OTUD7A: variants seen among roughly 807,000 people sequenced by gnomAD.
OTUD7A encodes the protein OTU domain-containing protein 7A.
A neutral mutation model predicts 65.7 loss-of-function variants in OTUD7A; 12 were observed. The observed-to-expected ratio is 0.18, with a 90% CI of 0.12 to 0.30. The LOEUF (loss-of-function observed/expected upper bound fraction) is 0.30, where lower values mean the gene tolerates loss of function less well. Ranked by LOEUF, OTUD7A falls within the 10% of genes least tolerant of loss-of-function variation. The probability of loss-of-function intolerance (pLI) is 1.00; values close to 1 mark genes in which losing one functional copy is unlikely to be tolerated. For synonymous variants in OTUD7A, 641 were observed against 586.3 expected (o/e 1.09, Z -1.35); for missense variants, 1,148 against 1,304.8 (o/e 0.88, Z 1.85).
intron 1 of OTUD7A, among the ~76,000 whole-genome samples, chr15:31,824,999 G>A (rs1896764788): frequency 6.6e-6 from 1 of 152,090 alleles, no homozygotes; most frequent in Non-Finnish European, 1.5e-5. Flanking sequence ...ATCACTGAGG[G>A]CCCCATTGTT....
At chr15:31,839,991 T>A (rs1439115343) in intron 1 of OTUD7A, among the ~76,000 whole-genome samples, 2 of 152,192 alleles carry the variant, frequency 1.3e-5, no homozygotes, top group African/African-American at 2.4e-5. Context: ...GCTAGCTCTT[T>A]AACTTGACCA....
At chr15:31,612,842 G>A (rs1197564871) in intron 3 of OTUD7A, among the ~76,000 whole-genome samples, 2 of 152,134 alleles carry the variant, frequency 1.3e-5, no homozygotes, top group Non-Finnish European at 2.9e-5. Flanking sequence ...GCCAAAGTAA[G>A]ACTAAGCAAA....
At chr15:31,778,184 C>A (rs775860629) in intron 1 of OTUD7A, among the ~76,000 whole-genome samples, 1 of 152,130 alleles carries the variant, frequency 6.6e-6, no homozygotes, top group Non-Finnish European at 1.5e-5. Flanking sequence ...AAGTACCATA[C>A]CCAAGGAACT....
intron 3 of OTUD7A, among the ~76,000 whole-genome samples, chr15:31,590,286 T>A (rs1889680653): frequency 6.6e-6 from 1 of 152,256 alleles, no homozygotes; most frequent in South Asian, 2.1e-4. Context: ...TGCCATCTAC[T>A]TCATGGAAGT....
At chr15:31,869,034 T>G (rs528211368) in intron 1 of OTUD7A, among the ~76,000 whole-genome samples, 13 of 152,338 alleles carry the variant, frequency 8.5e-5, no homozygotes, top group African/African-American at 3.1e-4. Context: ...ATGTCAATAC[T>G]TTTGTCCCTT....
At chr15:31,720,065 C>T (rs1249256130) in intron 1 of OTUD7A, among the ~76,000 whole-genome samples, 4 of 152,106 alleles carry the variant, frequency 2.6e-5, no homozygotes, top group Non-Finnish European at 5.9e-5. Context: ...TTAAGAAATT[C>T]AGCTGCTCTC....
intron 1 of OTUD7A, among the ~76,000 whole-genome samples, chr15:31,791,328 C>T (rs771184737): frequency 2.0e-5 from 3 of 152,150 alleles, no homozygotes; most frequent in African/African-American, 4.8e-5. Context: ...CCCAGCCCTA[C>T]TAATAGTCAT....
intron 3 of OTUD7A, among the ~76,000 whole-genome samples, chr15:31,618,786 C>T (rs1388740475): frequency 6.6e-6 from 1 of 152,140 alleles, no homozygotes; most frequent in East Asian, 1.9e-4. Flanking sequence ...TTAATTAGAT[C>T]CCATTTGTCA....
At chr15:31,507,742 T>A (rs2041602586) in intron 8 of OTUD7A, among the ~76,000 whole-genome samples, 1 of 152,182 alleles carries the variant, frequency 6.6e-6, no homozygotes, top group Admixed American at 6.5e-5. Context: ...TGGCTACTTT[T>A]AGGATTCTGC....
chr15:31,495,431 C>T (rs1389754795), intron 10 of OTUD7A, among the ~76,000 whole-genome samples: 1 of 152,234 alleles, frequency 6.6e-6, no homozygotes, highest in African/African-American at 2.4e-5. Flanking sequence ...GCTTTGTGAT[C>T]TGTAGGTCAA....
intron 1 of OTUD7A, among the ~76,000 whole-genome samples, chr15:31,674,967 T>C (rs962211397): frequency 1.3e-5 from 2 of 152,176 alleles, no homozygotes; most frequent in African/African-American, 2.4e-5. Context: ...GGACTTCTTA[T>C]TATACTTCTC....
Position 31,766,052 on chromosome 15 carries a change from A to C in OTUD7A, c.-100+104455T>G, listed in dbSNP as rs1446338224. 3.9e-6 allele frequency: 6 copies of C among 1,539,334 alleles called. No homozygotes were observed. In the Admixed American group the frequency reaches 1.0e-4, roughly 26 times the overall value. ...AAGTTGGCAAAGGAGCAAATAGTCC[A>C]TCTCCAGGACTTTCAATATGTCCCC... On this transcript the variant is annotated intron_variant, in intron 1 of 12. Transcript: ENST00000307050.
intron 3 of OTUD7A, among the ~76,000 whole-genome samples, chr15:31,622,414 A>G (rs954127598): frequency 6.6e-6 from 1 of 152,060 alleles, no homozygotes; most frequent in Non-Finnish European, 1.5e-5. Flanking sequence ...TCAGACGTGG[A>G]TTTGGTCTTT....
intron 5 of OTUD7A, among the ~76,000 whole-genome samples, chr15:31,553,538 T>C (rs1452252975): frequency 1.3e-5 from 2 of 152,112 alleles, no homozygotes; most frequent in African/African-American, 4.8e-5. Context: ...CAAGTCTCAC[T>C]ACAGTCTCGG....
chr15:31,836,932 A>G (rs1194256424), intron 1 of OTUD7A, among the ~76,000 whole-genome samples: 1 of 152,214 alleles, frequency 6.6e-6, no homozygotes, highest in East Asian at 1.9e-4. Flanking sequence ...CAGAAAACAG[A>G]AAAGAATGTC....
chr15:31,846,697 C>T (rs577371986), intron 1 of OTUD7A, among the ~76,000 whole-genome samples: 2 of 152,116 alleles, frequency 1.3e-5, no homozygotes, highest in Non-Finnish European at 2.9e-5. Context: ...ACTGAAACCT[C>T]GGTTTAAGAA....
chr15:31,637,230 C>A (rs71474676), intron 3 of OTUD7A, among the ~76,000 whole-genome samples: 3 of 151,752 alleles, frequency 2.0e-5, no homozygotes, highest in Non-Finnish European at 4.4e-5. Flanking sequence ...AAGTTGAAAC[C>A]AATGCTCATT....
At chr15:31,638,022 C>G (rs1376809503) in intron 3 of OTUD7A, among the ~76,000 whole-genome samples, 6 of 152,238 alleles carry the variant, frequency 3.9e-5, no homozygotes, top group African/African-American at 1.2e-4. Context: ...AGAGGACTGA[C>G]TTCAATTTTG....
At chr15:31,513,955 C>A (rs1353172042) in intron 8 of OTUD7A, among the ~76,000 whole-genome samples, 2 of 152,030 alleles carry the variant, frequency 1.3e-5, no homozygotes, top group African/African-American at 4.8e-5. Context: ...TGTGGATGCT[C>A]AGATACTCCT....
Sources: allele counts gnomAD v4.1 joint callset (sites outside exome capture counted in the v4.1 genomes callset), GRCh38; gene constraint gnomAD v4.1.1; transcripts MANE v1.5; gene names NCBI Gene and HGNC (gene_info 2026-07-23, HGNC 2026-07-21).